The following PLXNA4 variants were observed in gnomAD, a reference collection of about 807,000 sequenced individuals.
The protein encoded by PLXNA4 is plexin A4, also known as plexin-A4.
Under a neutral mutation model 191.8 loss-of-function variants are expected in PLXNA4, and 44 were observed. That is an observed-to-expected ratio of 0.23 (90% CI 0.18 to 0.29). The LOEUF (loss-of-function observed/expected upper bound fraction) is 0.29. PLXNA4 is among the 10% of genes least tolerant of loss of function. PLXNA4 has a pLI of 1.00. For synonymous variants in PLXNA4, 1,082 were observed against 1,009.5 expected, an observed-to-expected ratio of 1.07 and a Z score of -1.36; for missense variants, 1,800 against 2,488.8, an observed-to-expected ratio of 0.72 and a Z score of 5.89.
At chr7:132,639,248 T>A (rs181145114) in intron 2 of PLXNA4, among the ~76,000 whole-genome samples, 1 of 152,300 alleles carries the variant, frequency 6.6e-6, no homozygotes, top group Admixed American at 6.5e-5. Context: ...CAGTGATAAC[T>A]CTTCCAGTCC....
rs544007408 is a variant in PLXNA4 at position 132,586,751 on chromosome 7, TCTAA to T, written c.-87+59173_-87+59176del. ...CTGGGTGATAGAGTGAGACTCCATCTCTAACAAACAAATAAAAAAAATTAATTAG... is the reference window on the plus strand; with the variant it reads ...CTGGGTGATAGAGTGAGACTCCATCTCAAACAAATAAAAAAAATTAATTAG... On this transcript the variant is annotated intron_variant, in intron 2 of 4. Transcript: ENST00000378539. 1.0e-3 allele frequency among the ~76,000 whole-genome samples: 154 copies of T among 152,228 alleles called. 1 individual carries two copies. The highest frequency in any genetic ancestry group is 1.5e-3 in the East Asian group (8 of 5,180).
In PLXNA4 at chr7:132,181,437, C is replaced by G. The variant is rs1796701036; in HGVS notation, c.3436G>C (p.Ala1146Pro). Residue 1146 changes from alanine (A) to proline (P), a missense_variant, in exon 18 of 32, where the codon GCC becomes CCC. Physicochemically the swap from Ala to Pro is conservative, Grantham distance 27 (BLOSUM62 -1). This residue lies in a region of PLXNA4 where 1,397 missense variants were observed against 1,880.4 expected (regional missense o/e 0.74). Coordinates refer to ENST00000321063, the MANE Select transcript of PLXNA4 (RefSeq NM_020911.2). Reference protein sequence around the residue: ...FTYYPNPVFEAFGPSGILELK... With the variant: ...FTYYPNPVFEPFGPSGILELK... ...TCCAGGATTCCTGAGGGACCAAAGG[C>G]CTCAAACACCGGGTTGGGATAGTAG... 6.2e-7 allele frequency: 1 copy of G among 1,613,976 alleles called. No homozygotes were observed. The highest frequency in any genetic ancestry group is 1.1e-5 in the South Asian group (1 of 91,074).
At chr7:132,223,231 C>T (rs1244467040) in intron 9 of PLXNA4, among the ~76,000 whole-genome samples, 4 of 152,158 alleles carry the variant, frequency 2.6e-5, no homozygotes, top group Non-Finnish European at 4.4e-5. Flanking sequence ...ACCAACACAC[C>T]CATCTCTTTG....
chr7:132,408,128 G>A (rs1289241036), intron 3 of PLXNA4, among the ~76,000 whole-genome samples: 1 of 152,048 alleles, frequency 6.6e-6, no homozygotes, highest in Non-Finnish European at 1.5e-5. Context: ...TAAAACAGTA[G>A]GAGAGTGGGT....
At chr7:132,435,613 G>A (rs1451148878) in intron 3 of PLXNA4, among the ~76,000 whole-genome samples, 3 of 152,200 alleles carry the variant, frequency 2.0e-5, no homozygotes, top group African/African-American at 7.2e-5. Flanking sequence ...CAGAGATACA[G>A]CCGGACATCC....
intron 12 of PLXNA4, among the ~76,000 whole-genome samples, chr7:132,200,368 C>G (rs557983082): frequency 6.6e-6 from 1 of 152,034 alleles, no homozygotes; most frequent in Non-Finnish European, 1.5e-5. Context: ...TGAAGGTGAG[C>G]GGTGGGGACT....
intron 2 of PLXNA4, among the ~76,000 whole-genome samples, chr7:132,490,518 C>T (rs1797755577): frequency 6.7e-6 from 1 of 149,618 alleles, no homozygotes; most frequent in Non-Finnish European, 1.5e-5. Context: ...CTTGACTTAC[C>T]AGGCTCAAGC....
At chr7:132,254,699 G>C (rs561619646) in intron 4 of PLXNA4, among the ~76,000 whole-genome samples, 1 of 152,308 alleles carries the variant, frequency 6.6e-6, no homozygotes, top group Admixed American at 6.5e-5. Context: ...GCCAGGAGCT[G>C]ACCCCACCGG....
intron 2 of PLXNA4, among the ~76,000 whole-genome samples, chr7:132,639,858 G>T (rs1200417911): frequency 6.6e-6 from 1 of 152,184 alleles, no homozygotes; most frequent in African/African-American, 2.4e-5. Context: ...ACCATGATGA[G>T]AGTCATGGGT....
chr7:132,213,371 TATG>T (rs1797864431), intron 9 of PLXNA4, among the ~76,000 whole-genome samples: 2 of 152,216 alleles, frequency 1.3e-5, no homozygotes, highest in African/African-American at 2.4e-5. Context: ...TGGTAAATGT[TATG>T]ATATGTGTAT....
intron 3 of PLXNA4, among the ~76,000 whole-genome samples, chr7:132,444,934 CG>C (rs1795841001): frequency 6.6e-6 from 1 of 151,576 alleles, no homozygotes; most frequent in South Asian, 2.1e-4. Context: ...GAGGCCGAGG[CG>C]GGCGGATCAT....
intron 3 of PLXNA4, among the ~76,000 whole-genome samples, chr7:132,321,414 GACA>G (rs553279715): frequency 6.6e-6 from 1 of 150,978 alleles, no homozygotes; most frequent in South Asian, 2.1e-4. Context: ...AGATACCAGT[GACA>G]ACCTCTTGGA....
chr7:132,441,699 T>C (rs180755103), intron 3 of PLXNA4, among the ~76,000 whole-genome samples: 1 of 152,362 alleles, frequency 6.6e-6, no homozygotes, highest in East Asian at 1.9e-4. Context: ...TTTATATTTT[T>C]AAAAATCATT....
At chr7:132,190,977 G>C (rs140888974) in intron 14 of PLXNA4, among the ~76,000 whole-genome samples, 6 of 152,220 alleles carry the variant, frequency 3.9e-5, no homozygotes, top group Non-Finnish European at 8.8e-5. Flanking sequence ...CTCTGCATTC[G>C]CAGACTGAGG....
chr7:132,307,273 C>T (rs577909488), intron 3 of PLXNA4, among the ~76,000 whole-genome samples: 4 of 152,224 alleles, frequency 2.6e-5, no homozygotes, highest in Admixed American at 2.0e-4. Flanking sequence ...ATTTCCAATC[C>T]CCTCTCCCCA....
chr7:132,154,656 G>A (rs945637452), intron 25 of PLXNA4, among the ~76,000 whole-genome samples: 2 of 152,190 alleles, frequency 1.3e-5, no homozygotes, highest in Non-Finnish European at 2.9e-5. Flanking sequence ...ATTCTTGAAT[G>A]TGGAACACAG....
At chr7:132,509,146 C>T (rs1308611651) in intron 1 of PLXNA4, among the ~76,000 whole-genome samples, 1 of 126,712 alleles carries the variant, frequency 7.9e-6, no homozygotes, top group Non-Finnish European at 1.6e-5. Context: ...TCCGCAAAGA[C>T]TGGCTGGAGG....
chr7:132,234,516 A>G (rs901007638), intron 5 of PLXNA4, among the ~76,000 whole-genome samples: 4 of 152,042 alleles, frequency 2.6e-5, no homozygotes, highest in African/African-American at 9.7e-5. Context: ...TGAGAGCTTG[A>G]GCAGACCACA....
intron 29 of PLXNA4, among the ~76,000 whole-genome samples, chr7:132,141,805 T>C (rs1015950188): frequency 5.9e-5 from 9 of 152,156 alleles, no homozygotes; most frequent in Non-Finnish European, 1.2e-4. Flanking sequence ...TCTCAGCTCA[T>C]TGCAACCTCT....
Sources: gnomAD v4.1 joint callset for allele counts (sites outside exome capture counted in the v4.1 genomes callset) on GRCh38, gnomAD v4.1.1 for gene constraint, gnomAD v4.1.1 regional missense constraint, MANE v1.5 for transcripts, NCBI Gene and HGNC (gene_info 2026-07-23, HGNC 2026-07-21) for gene names.